SSBP3: variants seen among roughly 807,000 people sequenced by gnomAD.
SSBP3 encodes single stranded DNA binding protein 3, also known as single-stranded DNA-binding protein 3.
Under a neutral mutation model 69.6 loss-of-function variants are expected in SSBP3, and 5 were observed. The ratio of observed to expected loss-of-function variants is 0.07; its 90% CI spans 0.04 to 0.15. The LOEUF is 0.15. Among genes scored for constraint, SSBP3 ranks in the 10% least tolerant of loss-of-function variants. The pLI is 1.00. For synonymous variants in SSBP3, 196 were observed against 193.4 expected (o/e 1.01, Z -0.11); for missense variants, 312 against 534.0 (o/e 0.58, Z 4.10).
At chr1:54,297,173 G>A (rs916095514) in intron 4 of SSBP3, among the ~76,000 whole-genome samples, 1 of 152,216 alleles carries the variant, frequency 6.6e-6, no homozygotes, top group Admixed American at 6.5e-5. Flanking sequence ...TTAAGTAATG[G>A]AAGGGAAAGA....
chr1:54,308,570 C>A (rs560405324), intron 4 of SSBP3, among the ~76,000 whole-genome samples: 1 of 149,674 alleles, frequency 6.7e-6, no homozygotes, highest in South Asian at 2.1e-4. Context: ...CACTGCACTC[C>A]AGCCTGGCCG....
chr1:54,268,992 TCTAA>T (rs879402648), intron 5 of SSBP3, among the ~76,000 whole-genome samples: 4 of 152,122 alleles, frequency 2.6e-5, no homozygotes, highest in Non-Finnish European at 5.9e-5. Flanking sequence ...CAGAGAACTG[TCTAA>T]CTATCAGGAG....
intron 4 of SSBP3, among the ~76,000 whole-genome samples, chr1:54,282,071 TA>T (rs547829069): frequency 3.1e-3 from 473 of 150,658 alleles, no homozygotes; most frequent in African/African-American, 0.011. Flanking sequence ...ATAATAATAA[TA>T]AAAAAATGGG....
At chr1:54,254,408 G>C (rs1570271374) in intron 7 of SSBP3, among the ~76,000 whole-genome samples, 1 of 152,310 alleles carries the variant, frequency 6.6e-6, no homozygotes, top group Middle Eastern at 3.4e-3. Flanking sequence ...AAACCCGGCT[G>C]AACTCCACTG....
intron 13 of SSBP3, 68 bp from the exon 14 acceptor site, chr1:54,239,267 C>A: frequency 8.2e-7 from 1 of 1,213,130 alleles, no homozygotes. Flanking sequence ...AAACTCATGG[C>A]ACTGGAACTC....
At chr1:54,228,545 T>G (rs1644327464) in intron 15 of SSBP3, 68 bp from the exon 16 acceptor site, 1 of 1,601,112 alleles carries the variant, frequency 6.2e-7, no homozygotes, top group Non-Finnish European at 8.5e-7. Context: ...CCCCTCGTCC[T>G]GGGCTCCTCG....
intron 5 of SSBP3, among the ~76,000 whole-genome samples, chr1:54,267,386 C>T (rs1410080532): frequency 1.3e-5 from 2 of 152,234 alleles, no homozygotes; most frequent in Non-Finnish European, 2.9e-5. Flanking sequence ...GTGCCGGAGA[C>T]ACGTGAACAA....
chr1:54,389,889 A>AT (rs11407049), intron 4 of SSBP3, among the ~76,000 whole-genome samples: 73,329 of 143,560 alleles, frequency 0.51, 19,644 homozygotes, highest in African/African-American at 0.73. Context: ...AAAAAAAAAA[A>AT]TTTTTTTTTT....
intron 4 of SSBP3, among the ~76,000 whole-genome samples, chr1:54,363,590 A>C (rs1355175590): frequency 6.6e-6 from 1 of 152,178 alleles, no homozygotes; most frequent in African/African-American, 2.4e-5. Context: ...CTGAAAAATA[A>C]GTTATATGGG....
At position 54,335,164 on chromosome 1, in the gene SSBP3, C is replaced by T. The variant is rs1646487380; in HGVS notation, c.277-53637G>A. Among the ~76,000 whole-genome samples the T allele has an allele frequency of 2.0e-5, 3 of 152,192 alleles. No homozygotes were observed. In the South Asian group the frequency reaches 6.2e-4, roughly 32 times the overall value. On this transcript the variant is annotated intron_variant, in intron 4 of 17. Transcript: ENST00000610401. ...GGACACAAGAATCAGCTCTTGTTAC[C>T]AGAATCCCATCAAGAAGGGCAAAGC...
intron 4 of SSBP3, 96 bp downstream of exon 4, chr1:54,401,765 G>T (rs1251131373): frequency 4.0e-6 from 4 of 998,880 alleles, no homozygotes; most frequent in Non-Finnish European, 4.6e-6. Flanking sequence ...AGCAAATAAA[G>T]ACCACTGCGA....
chr1:54,255,553 A>G lies in SSBP3; in HGVS notation c.507+1574T>C, dbSNP rs1466139783. On this transcript the variant is annotated intron_variant, in intron 7 of 17. Coordinates refer to ENST00000610401, the Ensembl canonical transcript of SSBP3. ...TAGCACTGGGCTGGAACCAAGATCA[A>G]CTCCAGCCCAGCTCACTTTGGGAAG... 7 of 151,608 alleles carry G rather than the reference A, an allele frequency of 4.6e-5. No individual in the cohort carries two copies. In the East Asian group the frequency reaches 1.4e-3, roughly 29 times the overall value. 9.4% of individuals were successfully genotyped at this position (151,608 alleles called of 1,614,324 possible).
intron 14 of SSBP3, among the ~76,000 whole-genome samples, chr1:54,235,358 T>G (rs1315927249): frequency 6.8e-6 from 1 of 146,472 alleles, no homozygotes; most frequent in Non-Finnish European, 1.5e-5. Context: ...CTCTGCTCAC[T>G]GCAACCTCCA....
chr1:54,318,901 T>G (rs970247421), intron 4 of SSBP3, among the ~76,000 whole-genome samples: 3 of 152,204 alleles, frequency 2.0e-5, no homozygotes, highest in Admixed American at 6.5e-5. Flanking sequence ...CCAGGATGTA[T>G]CCGGCACCTT....
chr1:54,275,513 C>T (rs534735877), intron 5 of SSBP3, among the ~76,000 whole-genome samples: 102 of 152,326 alleles, frequency 6.7e-4, no homozygotes, highest in African/African-American at 2.4e-3. Context: ...CAGCATTTGG[C>T]TCAGCTTTTG....
chr1:54,347,885 A>G (rs1646715147), intron 4 of SSBP3, among the ~76,000 whole-genome samples: 1 of 152,164 alleles, frequency 6.6e-6, no homozygotes. Flanking sequence ...CAGAACATTG[A>G]GACTAAGTTT....
chr1:54,254,155 C>A (rs1644879466), intron 7 of SSBP3, among the ~76,000 whole-genome samples: 1 of 152,210 alleles, frequency 6.6e-6, no homozygotes, highest in African/African-American at 2.4e-5. Flanking sequence ...GTGCACACAC[C>A]CCTGGGGCCT....
intron 4 of SSBP3, among the ~76,000 whole-genome samples, chr1:54,289,027 AAAAAAAAAACAAAAAAAC>A (rs1461140432): frequency 5.5e-4 from 42 of 76,134 alleles, no homozygotes; most frequent in African/African-American, 1.5e-3. Context: ...CTCCAAAAAA[AAAAAAAAAACAAAAAAAC>A]AAAAAAAAAA....
intron 4 of SSBP3, among the ~76,000 whole-genome samples, chr1:54,398,773 C>T (rs1413540770): frequency 1.3e-5 from 2 of 152,140 alleles, no homozygotes; most frequent in Non-Finnish European, 2.9e-5. Flanking sequence ...TTAATGCAAA[C>T]CAATTTATCA....
Sources: allele counts gnomAD v4.1 joint callset (sites outside exome capture counted in the v4.1 genomes callset), GRCh38; gene constraint gnomAD v4.1.1; transcripts MANE v1.5; gene names NCBI Gene and HGNC (gene_info 2026-07-23, HGNC 2026-07-21).